DPP10: variants seen among roughly 807,000 people sequenced by gnomAD.
DPP10 encodes the protein dipeptidyl peptidase like 10, also known as inactive dipeptidyl peptidase 10.
A neutral mutation model predicts 120.9 loss-of-function variants in DPP10; 33 were observed. The observed-to-expected ratio is 0.27, with a 90% CI of 0.21 to 0.37. The LOEUF is 0.37. Among genes scored for constraint, DPP10 ranks in the 10% least tolerant of loss-of-function variants. DPP10 has a pLI of 1.00. For missense variants in DPP10, 816 were observed against 942.8 expected (o/e 0.87, Z 1.76); for synonymous variants, 337 against 326.1 (o/e 1.03, Z -0.36).
chr2:114,665,328 C>T (rs979525502), intron 1 of DPP10, among the ~76,000 whole-genome samples: 1 of 152,158 alleles, frequency 6.6e-6, no homozygotes, highest in African/African-American at 2.4e-5. Context: ...TTCTACATCC[C>T]TGCACATCCT....
rs561814223 is a variant in DPP10, at chr2:115,392,213, C to T, written c.271+48301C>T. Among the ~76,000 whole-genome samples the T allele has an allele frequency of 2.0e-5, 3 of 151,268 alleles. No homozygotes were observed. The South Asian group carries it at 6.3e-4, about 32-fold the overall frequency. On this transcript the variant is annotated intron_variant, in intron 3 of 25. Coordinates refer to ENST00000410059, the MANE Select transcript of DPP10 (RefSeq NM_020868.6). ...TTTTTTTTGATTATTTTGTTTTCTT[C>T]CCCCCGCAAAGCCTGAAATTAACTG... is the stretch of plus-strand genomic sequence containing the variant.
Position 115,343,886 on chromosome 2 carries a change from A to G in DPP10, c.245A>G (p.His82Arg), listed in dbSNP as rs200225674. The G allele has an allele frequency of 1.5e-5, 24 of 1,611,998 alleles. No individual in the cohort carries two copies. In the African/African-American group the frequency reaches 2.4e-4, roughly 16 times the overall value. ...CTCTTTAGGAAAGACTTTGTGCTTCACGATCCAGAGGCTCGGTGGATCAAT... is the reference window on the plus strand; with the variant it reads ...CTCTTTAGGAAAGACTTTGTGCTTCGCGATCCAGAGGCTCGGTGGATCAAT... Reference protein sequence around the residue: ...EDLFRKDFVLHDPEARWINDT... With the variant: ...EDLFRKDFVLRDPEARWINDT... The change falls in exon 3 of 26, where the codon CAC becomes CGC. Residue 82 changes from histidine to arginine, a missense_variant. By Grantham distance (29) the His-to-Arg change is conservative. This residue lies in a region of DPP10 where 182 missense variants were observed against 207.4 expected (regional missense o/e 0.88). Transcript: ENST00000410059.
rs577251507 is a variant in DPP10 at position 115,649,338 on chromosome 2, A to G, written c.442-40349A>G. Among the ~76,000 whole-genome samples the G allele has an allele frequency of 1.6e-3, 239 of 152,280 alleles. 1 individual carries two copies. Among genetic ancestry groups the G allele is most frequent in the African/African-American group, 5.5e-3 (230 of 41,586 alleles). On this transcript the variant is annotated intron_variant, in intron 5 of 25. Transcript: ENST00000410059. ...GACAATCAACAATCAAAGTAAGACA[A>G]GAGTTTATTATGAAGAATATTGTGT... is the stretch of plus-strand genomic sequence containing the variant.
chr2:115,480,950 G>A (rs985916818), intron 3 of DPP10, among the ~76,000 whole-genome samples: 1 of 152,126 alleles, frequency 6.6e-6, no homozygotes, highest in Admixed American at 6.6e-5. Flanking sequence ...GCATAAAAGT[G>A]AGCAAGCTGC....
At chr2:115,700,306 C>T (rs1022074115) in intron 7 of DPP10, among the ~76,000 whole-genome samples, 1 of 151,736 alleles carries the variant, frequency 6.6e-6, no homozygotes, top group Non-Finnish European at 1.5e-5. Context: ...TAGTATACTA[C>T]ATTAATGAAA....
chr2:115,841,205 TTTA>T (rs746026059), intron 25 of DPP10, among the ~76,000 whole-genome samples: 29 of 151,832 alleles, frequency 1.9e-4, no homozygotes, highest in Admixed American at 6.6e-4. Context: ...AATATGAGAG[TTTA>T]TTATTAATTT....
chr2:115,087,170 G>A (rs187708454), intron 1 of DPP10, among the ~76,000 whole-genome samples: 1 of 152,204 alleles, frequency 6.6e-6, no homozygotes, highest in African/African-American at 2.4e-5. Flanking sequence ...AAGCAGTTTT[G>A]ATCCATAATG....
intron 3 of DPP10, among the ~76,000 whole-genome samples, chr2:115,496,724 A>G (rs778950148): frequency 9.9e-5 from 15 of 152,108 alleles, no homozygotes; most frequent in South Asian, 4.1e-4. Flanking sequence ...TACTCACCCA[A>G]TGATTTCTTC....
At chr2:114,680,864 T>A (rs1698981180) in intron 1 of DPP10, among the ~76,000 whole-genome samples, 1 of 151,958 alleles carries the variant, frequency 6.6e-6, no homozygotes, top group Non-Finnish European at 1.5e-5. Context: ...CGTGGTCCCA[T>A]AATCAAAGGC....
chr2:114,819,839 C>T (rs1278836615), intron 1 of DPP10, among the ~76,000 whole-genome samples: 1 of 152,130 alleles, frequency 6.6e-6, no homozygotes. Flanking sequence ...TCAGTGTCAG[C>T]AGAGGTTACA....
At chr2:114,491,633 A>G (rs1682010499) in intron 1 of DPP10, among the ~76,000 whole-genome samples, 1 of 152,206 alleles carries the variant, frequency 6.6e-6, no homozygotes, top group Non-Finnish European at 1.5e-5. Context: ...GGCATTCTCC[A>G]CCAGATACTG....
At chr2:115,194,666 GT>G (rs1202661454) in intron 1 of DPP10, among the ~76,000 whole-genome samples, 1 of 152,150 alleles carries the variant, frequency 6.6e-6, no homozygotes, top group Non-Finnish European at 1.5e-5. Flanking sequence ...TAAAGGCTTT[GT>G]TTTTAGGGCA....
chr2:114,541,170 C>CT (rs763876603), intron 1 of DPP10, among the ~76,000 whole-genome samples: 3 of 152,202 alleles, frequency 2.0e-5, no homozygotes, highest in Non-Finnish European at 2.9e-5. Flanking sequence ...CTTTTCGCAA[C>CT]TACTCTGTAT....
chr2:114,706,217 T>A (rs1156515450), intron 1 of DPP10, among the ~76,000 whole-genome samples: 5 of 152,186 alleles, frequency 3.3e-5, no homozygotes, highest in Non-Finnish European at 5.9e-5. Flanking sequence ...GGTTTAGAAT[T>A]ATACAAGCCT....
intron 3 of DPP10, among the ~76,000 whole-genome samples, chr2:115,404,048 A>G (rs1320819561): frequency 6.6e-6 from 1 of 152,230 alleles, no homozygotes. Context: ...AAAATACCTG[A>G]GTATTAGACC....
At chr2:114,826,587 A>G (rs1242185838) in intron 1 of DPP10, among the ~76,000 whole-genome samples, 4 of 152,070 alleles carry the variant, frequency 2.6e-5, no homozygotes, top group Admixed American at 2.6e-4. Flanking sequence ...CTAGCGTGCA[A>G]TGTCATGACC....
chr2:115,505,401 A>C (rs977363611), intron 4 of DPP10, among the ~76,000 whole-genome samples: 4 of 152,142 alleles, frequency 2.6e-5, no homozygotes, highest in African/African-American at 9.7e-5. Context: ...TATGTGATAA[A>C]AGGATTACAA....
chr2:115,489,084 A>G (rs998785711), intron 3 of DPP10, among the ~76,000 whole-genome samples: 1 of 152,130 alleles, frequency 6.6e-6, no homozygotes, highest in Non-Finnish European at 1.5e-5. Context: ...CAAACAATTA[A>G]TAGGCTAACA....
intron 19 of DPP10, among the ~76,000 whole-genome samples, chr2:115,797,898 T>G (rs1483128144): frequency 6.6e-6 from 1 of 151,712 alleles, no homozygotes; most frequent in Non-Finnish European, 1.5e-5. Context: ...GCTATAATAT[T>G]TGTTTGGTGT....
Sources: gnomAD v4.1 joint callset for allele counts (sites outside exome capture counted in the v4.1 genomes callset) on GRCh38, gnomAD v4.1.1 for gene constraint, gnomAD v4.1.1 regional missense constraint, MANE v1.5 for transcripts, NCBI Gene and HGNC (gene_info 2026-07-23, HGNC 2026-07-21) for gene names.